The following LVRN variants were observed in gnomAD, a reference collection of about 807,000 sequenced individuals.
LVRN encodes the protein laeverin.
In LVRN, 99 loss-of-function variants were observed where a neutral mutation model predicts 111.4. That is an observed-to-expected ratio of 0.89 (90% CI 0.76 to 1.05). The LOEUF (loss-of-function observed/expected upper bound fraction) is 1.05. LVRN is among the 50% of genes least tolerant of loss of function. The pLI is 0.00. For missense variants in LVRN, 1,414 were observed against 1,206.8 expected, an observed-to-expected ratio of 1.17 and a Z score of -2.54; for synonymous variants, 488 against 449.5, an observed-to-expected ratio of 1.09 and a Z score of -1.08.
At chr5:116,007,499 G>A (rs1748399362) in intron 13 of LVRN, among the ~76,000 whole-genome samples, 1 of 152,084 alleles carries the variant, frequency 6.6e-6, no homozygotes, top group Non-Finnish European at 1.5e-5. Flanking sequence ...AGCCTTCCTT[G>A]ACTTTTCTAT....
intron 1 of LVRN, chr5:115,975,217 A>C: frequency 2.1e-6 from 1 of 485,840 alleles, no homozygotes; most frequent in Non-Finnish European, 4.1e-6. Context: ...CAAAATCTTC[A>C]TTATCTTGGG....
intron 2 of LVRN, 74 bp from the exon 3 acceptor site, chr5:115,984,496 G>T: frequency 1.3e-6 from 2 of 1,540,052 alleles, no homozygotes; most frequent in South Asian, 2.4e-5. Context: ...GGTGACAATT[G>T]ACTTGACAAA....
At chr5:115,989,799 C>A (rs902660483) in intron 4 of LVRN, among the ~76,000 whole-genome samples, 20 of 152,094 alleles carry the variant, frequency 1.3e-4, no homozygotes, top group Non-Finnish European at 2.9e-4. Flanking sequence ...CAATGAAAAC[C>A]TTATTTTTAT....
intron 5 of LVRN, among the ~76,000 whole-genome samples, chr5:115,993,201 T>TTTTG (rs755892138): frequency 3.9e-5 from 1 of 25,868 alleles, no homozygotes; most frequent in Non-Finnish European, 6.8e-5. Context: ...TTTGACACTG[T>TTTTG]TTTTTTTTTT....
chr5:115,966,803 C>T (rs1278396528), intron 1 of LVRN, among the ~76,000 whole-genome samples: 1 of 152,168 alleles, frequency 6.6e-6, no homozygotes, highest in East Asian at 1.9e-4. Context: ...TGTATCATGG[C>T]CATCATTTGG....
intron 1 of LVRN, among the ~76,000 whole-genome samples, chr5:115,967,308 T>C (rs1339517498): frequency 6.6e-6 from 1 of 152,224 alleles, no homozygotes; most frequent in East Asian, 1.9e-4. Flanking sequence ...TTTGAGATGA[T>C]TTTTTAAGAT....
At chr5:115,972,390 A>G (rs1205137943) in intron 1 of LVRN, among the ~76,000 whole-genome samples, 3 of 151,548 alleles carry the variant, frequency 2.0e-5, no homozygotes, top group South Asian at 2.1e-4. Context: ...AGAAATTCCA[A>G]TTTCTAATTG....
rs571453610 is a variant in LVRN, at chr5:115,994,006, T to A, written c.1374+152T>A. On this transcript the variant is annotated intron_variant, in intron 6 of 19. Coordinates refer to ENST00000357872, the MANE Select transcript of LVRN (RefSeq NM_173800.5). ...ATAATTTGTGTTAGCTTTTTGATAT[T>A]TTTTTTTAATTCCAGGCTTTTTATC... The A allele has an allele frequency of 2.1e-4, 102 of 476,088 alleles. No homozygotes were observed. The East Asian group carries it at 3.4e-3, about 16-fold the overall frequency. 29.5% of individuals were successfully genotyped at this position (476,088 alleles called of 1,614,324 possible).
At chr5:115,987,435 T>C (rs1747892004) in intron 3 of LVRN, among the ~76,000 whole-genome samples, 1 of 152,154 alleles carries the variant, frequency 6.6e-6, no homozygotes. Flanking sequence ...CACAGTGCAA[T>C]TCTGTTTTGG....
chr5:115,979,535 C>A (rs565242509), intron 1 of LVRN, among the ~76,000 whole-genome samples: 1 of 152,304 alleles, frequency 6.6e-6, no homozygotes, highest in African/African-American at 2.4e-5. Flanking sequence ...AGAAGCCCAA[C>A]AGGCATACCC....
intron 1 of LVRN, among the ~76,000 whole-genome samples, chr5:115,963,530 C>A (rs929567901): frequency 6.6e-6 from 1 of 152,156 alleles, no homozygotes; most frequent in Non-Finnish European, 1.5e-5. Context: ...CATATGTATA[C>A]GTGTGCCATA....
intron 16 of LVRN, 146 bp downstream of exon 16, chr5:116,014,673 T>A (rs1748562597): frequency 3.0e-6 from 2 of 672,992 alleles, no homozygotes; most frequent in Non-Finnish European, 5.1e-6. Flanking sequence ...ATACCTTTTT[T>A]AAAAAACCAG....
intron 1 of LVRN, among the ~76,000 whole-genome samples, chr5:115,971,398 A>G (rs115219581): frequency 0.014 from 2,136 of 152,270 alleles, 45 homozygotes; most frequent in African/African-American, 0.049. Flanking sequence ...ATCTGTGAAA[A>G]CATTGTCTAT....
chr5:115,982,704 G>A (rs139350110), intron 1 of LVRN, among the ~76,000 whole-genome samples: 56 of 152,200 alleles, frequency 3.7e-4, no homozygotes, highest in Non-Finnish European at 2.2e-4. Flanking sequence ...TTGCCATGGA[G>A]ATGGAGGAAG....
intron 12 of LVRN, among the ~76,000 whole-genome samples, chr5:116,004,555 T>TG (rs1174497433): frequency 6.6e-6 from 1 of 152,234 alleles, no homozygotes; most frequent in Non-Finnish European, 1.5e-5. Flanking sequence ...GTTCCTGTTT[T>TG]GTTCATTGTT....
intron 4 of LVRN, 43 bp from the exon 5 acceptor site, chr5:115,992,080 G>A (rs774799119): frequency 4.3e-5 from 66 of 1,527,354 alleles, no homozygotes; most frequent in Non-Finnish European, 5.6e-5. Flanking sequence ...CCCATTTTTT[G>A]GAAAAGATTA....
At chr5:115,972,179 G>A (rs188177685) in intron 1 of LVRN, among the ~76,000 whole-genome samples, 180 of 152,046 alleles carry the variant, frequency 1.2e-3, no homozygotes, top group Admixed American at 4.4e-3. Flanking sequence ...TGATAAATGA[G>A]CTTCATTAAA....
chr5:116,013,050 T>G (rs1748524149), intron 15 of LVRN, among the ~76,000 whole-genome samples: 1 of 152,122 alleles, frequency 6.6e-6, no homozygotes, highest in African/African-American at 2.4e-5. Flanking sequence ...TATTTCTGTC[T>G]TCCCTGTGCC....
intron 16 of LVRN, among the ~76,000 whole-genome samples, chr5:116,014,833 A>G (rs1748565824): frequency 6.6e-6 from 1 of 151,946 alleles, no homozygotes; most frequent in South Asian, 2.1e-4. Flanking sequence ...GTTCTTTATG[A>G]TTGTTTATGA....
Sources: allele counts gnomAD v4.1 joint callset (sites outside exome capture counted in the v4.1 genomes callset), GRCh38; gene constraint gnomAD v4.1.1; transcripts MANE v1.5; gene names NCBI Gene and HGNC (gene_info 2026-07-23, HGNC 2026-07-21).